DLGAP2: variants seen among roughly 807,000 people sequenced by gnomAD.
DLGAP2 encodes disks large-associated protein 2.
DLGAP2 carries 26 observed loss-of-function variants against 100.3 expected under a neutral mutation model. That is an observed-to-expected ratio of 0.26 (90% CI 0.19 to 0.36). The LOEUF is 0.36. Among genes scored for constraint, DLGAP2 ranks in the 10% least tolerant of loss-of-function variants. The pLI is 1.00. For synonymous variants in DLGAP2, 886 were observed against 630.1 expected, an observed-to-expected ratio of 1.41 and a Z score of -6.08; for missense variants, 1,858 against 1,453.2, an observed-to-expected ratio of 1.28 and a Z score of -4.53.
rs1563133670 is a variant in DLGAP2, at chr8:1,417,150, CT to C, written c.107-84215del. Among the ~76,000 whole-genome samples, 21 of 85,358 alleles carry C rather than the reference CT, an allele frequency of 2.5e-4. 1 individual carries two copies. The highest frequency in any genetic ancestry group is 5.9e-4 in the African/African-American group (10 of 16,992). 56.0% of individuals were successfully genotyped at this position (85,358 alleles called of 152,430 possible). Reference sequence around the variant, plus strand: ...CATTTAGCGTCTGAGGCGGGGGAGACTCTGAGTGAAGGGGAAGCCCCCGTTC... The same window carrying C: ...CATTTAGCGTCTGAGGCGGGGGAGACCTGAGTGAAGGGGAAGCCCCCGTTC... On this transcript the variant is annotated intron_variant, in intron 3 of 14. Coordinates refer to ENST00000637795, the MANE Select transcript of DLGAP2 (RefSeq NM_001346810.2).
intron 4 of DLGAP2, among the ~76,000 whole-genome samples, chr8:1,522,905 T>G (rs1800656508): frequency 6.6e-6 from 1 of 152,248 alleles, no homozygotes; most frequent in African/African-American, 2.4e-5. Context: ...AGCTCTACAT[T>G]GCTAAAGGGA....
rs1563156288 is a variant in DLGAP2, at chr8:1,449,844, G to GAGGTGGGCGGCCTCGGTGGCTGAGGCT, written c.107-51522_107-51521insAGGTGGGCGGCCTCGGTGGCTGAGGCT. On this transcript the variant is annotated intron_variant, in intron 3 of 14. Coordinates refer to ENST00000637795, the MANE Select transcript of DLGAP2 (RefSeq NM_001346810.2). ...CGGCCTCGGTGGCTGTGACTGTAGC[G>GAGGTGGGCGGCCTCGGTGGCTGAGGCT]GAGCTGTGAGGGTGAAGACGAGGTG... Among the ~76,000 whole-genome samples, 9 of 135,424 alleles carry GAGGTGGGCGGCCTCGGTGGCTGAGGCT rather than the reference G, an allele frequency of 6.6e-5. 1 individual carries two copies. The highest frequency in any genetic ancestry group is 1.4e-4 in the African/African-American group (5 of 35,174). The allele number at this position is 135,424 out of a possible 152,430, so 88.8% of individuals were successfully genotyped here.
chr8:1,312,792 G>A (rs989889210), intron 3 of DLGAP2, among the ~76,000 whole-genome samples: 4 of 152,236 alleles, frequency 2.6e-5, no homozygotes, highest in Admixed American at 2.0e-4. Flanking sequence ...AATGTGGAAG[G>A]AGAGCTGCTT....
rs1348288489 is a variant in DLGAP2, at chr8:1,430,011, T to TATATATATATATATATATATATATACAC, written c.107-71338_107-71337insTATATATACACATATATATATATATATA. On this transcript the variant is annotated intron_variant, in intron 3 of 14. Transcript: ENST00000637795. ...GGGGAGAGATGCATATATATACATATATATATATATATATATACACACACA... is the reference window on the plus strand; with the variant it reads ...GGGGAGAGATGCATATATATACATATATATATATATATATATATATATATACACATATATATATATATATACACACACA... 1.2e-3 allele frequency among the ~76,000 whole-genome samples: 74 copies of TATATATATATATATATATATATATACAC among 63,920 alleles called. 3 individuals carry two copies. Among genetic ancestry groups the TATATATATATATATATATATATATACAC allele is most frequent in the Non-Finnish European group, 1.4e-3 (42 of 29,978 alleles). The allele number at this position is 63,920 out of a possible 152,430, so 41.9% of individuals were successfully genotyped here.
intron 3 of DLGAP2, among the ~76,000 whole-genome samples, chr8:1,432,367 G>A (rs933733708): frequency 2.0e-5 from 3 of 152,138 alleles, no homozygotes; most frequent in Non-Finnish European, 4.4e-5. Context: ...ATGGTAGAGG[G>A]GATGAAACAT....
intron 3 of DLGAP2, among the ~76,000 whole-genome samples, chr8:1,449,412 G>A (rs1225642504): frequency 6.6e-6 from 1 of 152,164 alleles, no homozygotes; most frequent in Non-Finnish European, 1.5e-5. Context: ...CTTCCAGGGG[G>A]ACTCGAGTTT....
chr8:1,160,576 GT>G, intron 2 of DLGAP2, among the ~76,000 whole-genome samples: 1 of 152,288 alleles, frequency 6.6e-6, no homozygotes, highest in Non-Finnish European at 1.5e-5. Flanking sequence ...TATTTTGCCA[GT>G]TTGGGGAGTA....
At chr8:1,696,177 A>G (rs1799394001) in intron 13 of DLGAP2, among the ~76,000 whole-genome samples, 1 of 152,194 alleles carries the variant, frequency 6.6e-6, no homozygotes, top group Admixed American at 6.5e-5. Context: ...GAATCAAGGG[A>G]GCCACACCTG....
At position 1,168,482 on chromosome 8, in the gene DLGAP2, T is replaced by C. The variant is rs1177692631; in HGVS notation, c.74-90369T>C. ...CTGACTTCCACAATGCTTGAACTAG[T>C]TTACAGTCCCACCAACAGTGTAAAA... On this transcript the variant is annotated intron_variant, in intron 2 of 14. Transcript: ENST00000637795. Among the ~76,000 whole-genome samples, 3 of 148,840 alleles carry C rather than the reference T, an allele frequency of 2.0e-5. No individual in the cohort carries two copies. In the South Asian group the frequency reaches 6.6e-4, roughly 33 times the overall value.
intron 3 of DLGAP2, among the ~76,000 whole-genome samples, chr8:1,288,415 A>G (rs1799987453): frequency 1.7e-5 from 2 of 119,112 alleles, no homozygotes; most frequent in African/African-American, 3.3e-5. Context: ...TTAGGAGGGG[A>G]ACTTGTTTTG....
At chr8:1,271,548 A>G (rs1206821585) in intron 3 of DLGAP2, among the ~76,000 whole-genome samples, 1 of 152,236 alleles carries the variant, frequency 6.6e-6, no homozygotes, top group Admixed American at 6.5e-5. Context: ...CATCCGAGAA[A>G]CATCTGAAAA....
At chr8:747,095 G>C (rs1312281906) in intron 1 of DLGAP2, among the ~76,000 whole-genome samples, 1 of 152,050 alleles carries the variant, frequency 6.6e-6, no homozygotes, top group Non-Finnish European at 1.5e-5. Flanking sequence ...CTGGTTCTCG[G>C]GGGGCTGGGG....
intron 2 of DLGAP2, among the ~76,000 whole-genome samples, chr8:921,254 C>T (rs1286846833): frequency 6.6e-6 from 1 of 152,184 alleles, no homozygotes; most frequent in Non-Finnish European, 1.5e-5. Flanking sequence ...TTCCGTGGCG[C>T]ACACTTTCCT....
intron 3 of DLGAP2, among the ~76,000 whole-genome samples, chr8:1,414,589 C>G (rs566470662): frequency 6.6e-6 from 1 of 152,318 alleles, no homozygotes; most frequent in South Asian, 2.1e-4. Context: ...AGGCAGAACA[C>G]GGCTGGGAGG....
At chr8:1,129,415 A>G (rs1433344426) in intron 2 of DLGAP2, among the ~76,000 whole-genome samples, 2 of 152,132 alleles carry the variant, frequency 1.3e-5, no homozygotes, top group African/African-American at 4.8e-5. Flanking sequence ...AAAAAAAAAA[A>G]AAATTTACTT....
intron 3 of DLGAP2, among the ~76,000 whole-genome samples, chr8:1,477,535 G>C (rs1451815199): frequency 6.6e-6 from 1 of 152,176 alleles, no homozygotes; most frequent in African/African-American, 2.4e-5. Flanking sequence ...CAGCTGCACA[G>C]CCTGAGAGCC....
intron 6 of DLGAP2, among the ~76,000 whole-genome samples, chr8:1,620,950 G>A (rs751342292): frequency 1.3e-5 from 2 of 152,058 alleles, no homozygotes; most frequent in African/African-American, 4.8e-5. Flanking sequence ...TTTACCCTCT[G>A]CTCTCCAGAC....
chr8:1,338,903 G>A (rs1470878515), intron 3 of DLGAP2, among the ~76,000 whole-genome samples: 1 of 81,386 alleles, frequency 1.2e-5, no homozygotes, highest in Admixed American at 1.1e-4. Context: ...AGTGACCTCA[G>A]TGAGGCGTCA....
chr8:1,088,286 G>T (rs1804043352), intron 2 of DLGAP2, among the ~76,000 whole-genome samples: 1 of 152,162 alleles, frequency 6.6e-6, no homozygotes, highest in Non-Finnish European at 1.5e-5. Flanking sequence ...ATGAAGAGTT[G>T]TTCCATATCC....
Sources: allele counts gnomAD v4.1 joint callset (sites outside exome capture counted in the v4.1 genomes callset), GRCh38; gene constraint gnomAD v4.1.1; transcripts MANE v1.5; gene names NCBI Gene and HGNC (gene_info 2026-07-23, HGNC 2026-07-21).